Variants in LRRN1 observed in about 807,000 individuals in gnomAD.
The protein encoded by LRRN1 is leucine rich repeat neuronal 1.
In LRRN1, 14 loss-of-function variants were observed where a neutral mutation model predicts 45.8. The ratio of observed to expected loss-of-function variants is 0.31; its 90% CI spans 0.20 to 0.48. The LOEUF (loss-of-function observed/expected upper bound fraction) is 0.48, where lower values mean the gene tolerates loss of function less well. LRRN1 is among the 20% of genes least tolerant of loss of function. The pLI is 0.99. For synonymous variants in LRRN1, 359 were observed against 330.1 expected (o/e 1.09, Z -0.95); for missense variants, 789 against 874.2 (o/e 0.90, Z 1.23).
intron 1 of LRRN1, among the ~76,000 whole-genome samples, chr3:3,803,833 T>G (rs1024736158): frequency 6.6e-6 from 1 of 152,248 alleles, no homozygotes; most frequent in African/African-American, 2.4e-5. Flanking sequence ...AGTTTGCTTT[T>G]TAATTTCTTG....
chr3:3,846,649 CA>C lies in LRRN1; in HGVS notation c.2014del (p.Thr672ProfsTer6). The C allele has an allele frequency of 6.2e-7, 1 of 1,613,896 alleles. No homozygotes were observed. On this transcript the variant is annotated frameshift_variant, in exon 2 of 2. Transcript: ENST00000319331. LOFTEE classifies it high-confidence loss of function. The surrounding 1 kb of genome is among the most constrained non-coding windows in gnomAD (Gnocchi z 5.7). ...NYHHSLKKYMQKTSSIPLNEL... is the reference protein window; with the variant it reads ...NYHHSLKKYMXKTSSIPLNEL... ...CCACCACTCATTAAAAAAGTATATG[CA>C]AAAAACCTCTTCAATCCCACTAAAT...
chr3:3,814,289 C>A (rs185317589), intron 1 of LRRN1, among the ~76,000 whole-genome samples: 51 of 150,340 alleles, frequency 3.4e-4, no homozygotes, highest in Admixed American at 3.0e-3. Flanking sequence ...TTAAATGGTC[C>A]CCCTGGCTAT....
chr3:3,806,103 A>T (rs930547526), intron 1 of LRRN1, among the ~76,000 whole-genome samples: 1 of 152,094 alleles, frequency 6.6e-6, no homozygotes, highest in African/African-American at 2.4e-5. Context: ...GGGTGGGATG[A>T]GGGTGTTATA....
chr3:3,822,030 C>T (rs907247525), intron 1 of LRRN1, among the ~76,000 whole-genome samples: 2 of 152,148 alleles, frequency 1.3e-5, no homozygotes, highest in African/African-American at 4.8e-5. Flanking sequence ...GATAGAAAAG[C>T]GATGCGATTT....
At chr3:3,829,317 G>A (rs140477698) in intron 1 of LRRN1, among the ~76,000 whole-genome samples, 243 of 152,242 alleles carry the variant, frequency 1.6e-3, no homozygotes, top group African/African-American at 5.5e-3. Flanking sequence ...TCATGGAATC[G>A]TTGTTATGTC....
At chr3:3,828,533 A>G (rs940228806) in intron 1 of LRRN1, among the ~76,000 whole-genome samples, 2 of 152,024 alleles carry the variant, frequency 1.3e-5, no homozygotes, top group Non-Finnish European at 2.9e-5. Flanking sequence ...CCTCAATCCA[A>G]TCAAGTTGAC....
chr3:3,811,612 CTA>C (rs1305561585), intron 1 of LRRN1, among the ~76,000 whole-genome samples: 1 of 152,188 alleles, frequency 6.6e-6, no homozygotes, highest in African/African-American at 2.4e-5. Context: ...AGAGATATTA[CTA>C]TGTTACTGCT....
chr3:3,825,032 C>T (rs1414124521), intron 1 of LRRN1, among the ~76,000 whole-genome samples: 1 of 152,184 alleles, frequency 6.6e-6, no homozygotes, highest in Admixed American at 6.5e-5. Context: ...CTGAGGTCGA[C>T]GTTATTCCCT....
chr3:3,805,475 A>G (rs1419167410), intron 1 of LRRN1, among the ~76,000 whole-genome samples: 2 of 152,244 alleles, frequency 1.3e-5, no homozygotes, highest in African/African-American at 4.8e-5. Context: ...TCAATGTCTG[A>G]CCTTCTGGAT....
intron 1 of LRRN1, among the ~76,000 whole-genome samples, chr3:3,802,201 G>A (rs1692667871): frequency 6.6e-6 from 1 of 152,202 alleles, no homozygotes; most frequent in African/African-American, 2.4e-5. Flanking sequence ...GGGCCTTTCT[G>A]CCGTGTCTAA....
chr3:3,819,166 T>C (rs2106457368), intron 1 of LRRN1, among the ~76,000 whole-genome samples: 1 of 152,174 alleles, frequency 6.6e-6, no homozygotes, highest in African/African-American at 2.4e-5. Flanking sequence ...TTTTGTATTT[T>C]TTGTAGGGAT....
chr3:3,818,840 A>G (rs940851333), intron 1 of LRRN1, among the ~76,000 whole-genome samples: 2 of 152,226 alleles, frequency 1.3e-5, no homozygotes, highest in African/African-American at 4.8e-5. Flanking sequence ...AGGCAACAGT[A>G]GAAAGCAAAC....
chr3:3,822,489 A>G (rs1575287916), intron 1 of LRRN1, among the ~76,000 whole-genome samples: 1 of 152,250 alleles, frequency 6.6e-6, no homozygotes, highest in East Asian at 1.9e-4. Context: ...GTAGATGCCT[A>G]TCTCTTGTTT....
intron 1 of LRRN1, among the ~76,000 whole-genome samples, chr3:3,805,392 A>C (rs1474975891): frequency 6.6e-6 from 1 of 152,218 alleles, no homozygotes; most frequent in Non-Finnish European, 1.5e-5. Context: ...CATCCATAAT[A>C]ATCAGTGTAA....
Position 3,834,527 on chromosome 3 carries a change from T to TATATATATATATATATATATATATG in LRRN1, c.-278-9813_-278-9812insGATATATATATATATATATATATAT, listed in dbSNP as rs1693449135. ...GTTCTCTTAGAGGGACAGAACAGGA[T>TATATATATATATATATATATATATG]ATATATATATATATATATATATATA... On this transcript the variant is annotated intron_variant, in intron 1 of 1. Coordinates refer to ENST00000319331, the MANE Select transcript of LRRN1 (RefSeq NM_020873.7). 3.0e-5 allele frequency among the ~76,000 whole-genome samples: 2 copies of TATATATATATATATATATATATATG among 66,622 alleles called. 1 individual carries two copies. The highest frequency in any genetic ancestry group is 1.4e-4 in the African/African-American group (2 of 14,500). 43.7% of individuals were successfully genotyped at this position (66,622 alleles called of 152,430 possible).
At chr3:3,838,493 G>A (rs1289794520) in intron 1 of LRRN1, among the ~76,000 whole-genome samples, 2 of 152,094 alleles carry the variant, frequency 1.3e-5, no homozygotes, top group Non-Finnish European at 2.9e-5. Context: ...AATGAACGTG[G>A]GTGTACAAAT....
At chr3:3,827,313 C>T (rs1483889525) in intron 1 of LRRN1, 2 of 330,048 alleles carry the variant, frequency 6.1e-6, no homozygotes, top group Admixed American at 7.0e-5. Context: ...TTATGCTATA[C>T]TCTTGTTTCA....
rs1000142493 is a variant in LRRN1, at chr3:3,846,322, A to G, written c.1681A>G (p.Met561Val). 1.2e-6 allele frequency: 2 copies of G among 1,613,996 alleles called. No homozygotes were observed. The highest frequency in any genetic ancestry group is 1.7e-5 in the Admixed American group (1 of 60,024). Residue 561 changes from methionine (M) to valine (V), a missense_variant, in exon 2 of 2, where the codon ATG (methionine) becomes GTG (valine). Transcript: ENST00000319331. This position sits in a 1 kb window ranked among gnomAD's most constrained non-coding sequence, Gnocchi z 5.7. ...AAACTTAAAATGGTCGTCTGCCACC[A>G]TGAAGATTGATAACCCTCACATAAC... is the stretch of plus-strand genomic sequence containing the variant. ...TSNLKWSSAT[M>V]KIDNPHITYT...
chr3:3,814,987 C>G (rs1182924234), intron 1 of LRRN1, among the ~76,000 whole-genome samples: 1 of 152,062 alleles, frequency 6.6e-6, no homozygotes, highest in Non-Finnish European at 1.5e-5. Context: ...TGTATTCATT[C>G]CCTTTTTAAT....
Sources: allele counts gnomAD v4.1 joint callset (sites outside exome capture counted in the v4.1 genomes callset), GRCh38; gene constraint gnomAD v4.1.1; non-coding constraint Gnocchi (gnomAD v3.1); transcripts MANE v1.5; gene names NCBI Gene and HGNC (gene_info 2026-07-23, HGNC 2026-07-21).